CYB5D2: variants seen among roughly 807,000 people sequenced by gnomAD.
The protein encoded by CYB5D2 is cytochrome b5 domain containing 2, also known as neuferricin.
Under a neutral mutation model 22.8 loss-of-function variants are expected in CYB5D2, and 23 were observed. The ratio of observed to expected loss-of-function variants is 1.01; its 90% CI spans 0.73 to 1.43. CYB5D2 has a LOEUF of 1.43. Ranked by LOEUF, CYB5D2 falls within the 40% of genes most tolerant of loss-of-function variation. The pLI is 0.00. For synonymous variants in CYB5D2, 170 were observed against 152.2 expected (o/e 1.12, Z -0.86); for missense variants, 373 against 357.2 (o/e 1.04, Z -0.36).
chr17:4,154,906 A>G (rs747435592), intron 3 of CYB5D2, 46 bp downstream of exon 3: 11 of 1,561,886 alleles, frequency 7.0e-6, no homozygotes, highest in African/African-American at 1.4e-5. Context: ...CCCAAATCCA[A>G]CTCCTAGGCC....
chr17:4,145,764 G>A (rs1360655052), intron 1 of CYB5D2, among the ~76,000 whole-genome samples: 1 of 152,162 alleles, frequency 6.6e-6, no homozygotes, highest in Non-Finnish European at 1.5e-5. Context: ...TGTAATTCAC[G>A]TGATGTAAAG....
Position 4,157,439 on chromosome 17 carries a change from T to TA in CYB5D2, c.*358dup, listed in dbSNP as rs2059124215. ...GTTGATTACAGCTGGGCCAATACAG[T>TA]ACGAGGCAATAACAAATTAGTGTGG... On this transcript the variant is annotated 3_prime_UTR_variant, in exon 4 of 4. Coordinates refer to ENST00000301391, the MANE Select transcript of CYB5D2 (RefSeq NM_144611.4). The surrounding 1 kb of genome is among the most constrained non-coding windows in gnomAD (Gnocchi z 4.4). The TA allele has an allele frequency of 3.3e-6, 1 of 301,816 alleles. No individual in the cohort carries two copies. Among genetic ancestry groups the TA allele is most frequent in the Non-Finnish European group, 6.2e-6 (1 of 160,230 alleles). The allele number at this position is 301,816 out of a possible 1,614,324, so 18.7% of individuals were successfully genotyped here. A position where few individuals can be genotyped will look rare whatever the true frequency, so the allele number is the denominator to read the frequency against.
chr17:4,144,422 AT>A (rs142280910), intron 1 of CYB5D2, among the ~76,000 whole-genome samples: 456 of 151,958 alleles, frequency 3.0e-3, no homozygotes, highest in Non-Finnish European at 5.2e-3. Context: ...GTCCCAAATA[AT>A]CTTTCTTCCC....
Position 4,143,646 on chromosome 17 carries a change from A to C in CYB5D2, c.-110A>C, listed in dbSNP as rs1489601414. On this transcript the variant is annotated 5_prime_UTR_variant, in exon 1 of 4. Transcript: ENST00000301391. ...GGGAGCGCGAGCACTAGCGCGCGAG[A>C]GAGAGAGCGAGAGCGCGCGCGCCGA... The C allele has an allele frequency of 2.3e-5, 33 of 1,458,278 alleles. No individual in the cohort carries two copies. The highest frequency in any genetic ancestry group is 1.6e-4 in the East Asian group (7 of 42,596). 90.3% of individuals were successfully genotyped at this position (1,458,278 alleles called of 1,614,324 possible).
intron 1 of CYB5D2, 80 bp from the exon 2 acceptor site, chr17:4,149,811 A>C (rs896844868): frequency 1.9e-6 from 3 of 1,542,934 alleles, no homozygotes; most frequent in East Asian, 2.3e-5. Context: ...AAAAAAAAGA[A>C]AAAGAAAGAA....
intron 2 of CYB5D2, among the ~76,000 whole-genome samples, chr17:4,152,695 C>T (rs1342077890): frequency 4.6e-5 from 7 of 152,248 alleles, no homozygotes; most frequent in Non-Finnish European, 8.8e-5. Flanking sequence ...TCATAGACTG[C>T]AGGCCTGTGA....
chr17:4,157,075 C>T lies in CYB5D2; in HGVS notation c.788C>T (p.Pro263Leu), dbSNP rs756528797. 12 of 1,612,216 alleles carry T rather than the reference C, an allele frequency of 7.4e-6. No individual in the cohort carries two copies. The highest frequency in any genetic ancestry group is 9.3e-6 in the Non-Finnish European group (11 of 1,180,038). The change falls in exon 4 of 4, where the codon CCA becomes CTA. Residue 263 changes from proline (P) to leucine (L), a missense_variant. Coordinates refer to ENST00000301391, the MANE Select transcript of CYB5D2 (RefSeq NM_144611.4). The surrounding 1 kb of genome is among the most constrained non-coding windows in gnomAD (Gnocchi z 4.4). ...CPPLAITCSFPL is the reference protein window; with the variant it reads ...CPPLAITCSFLL ...CCGCTAGCCATCACATGCTCCTTTC[C>T]ACTCTAAGCCGTAGCCTCTTCTGTT...
intron 1 of CYB5D2, 130 bp from the exon 2 acceptor site, chr17:4,149,761 T>C (rs947209401): frequency 1.8e-6 from 2 of 1,123,288 alleles, no homozygotes; most frequent in South Asian, 1.7e-5. Context: ...ATCATGCCAC[T>C]GCACTCCAGC....
intron 1 of CYB5D2, among the ~76,000 whole-genome samples, chr17:4,144,719 T>C (rs2058963078): frequency 6.6e-6 from 1 of 152,102 alleles, no homozygotes; most frequent in Non-Finnish European, 1.5e-5. Flanking sequence ...GCTGAGGGGG[T>C]TAAAGGATGC....
At chr17:4,156,594 A>G (rs2059114562) in intron 3 of CYB5D2, among the ~76,000 whole-genome samples, 1 of 152,194 alleles carries the variant, frequency 6.6e-6, no homozygotes, top group Non-Finnish European at 1.5e-5. Flanking sequence ...CCTCCTAAGA[A>G]GGGGCAGGGC....
chr17:4,149,471 T>C (rs2059029561), intron 1 of CYB5D2, among the ~76,000 whole-genome samples: 1 of 152,206 alleles, frequency 6.6e-6, no homozygotes, highest in Admixed American at 6.5e-5. Flanking sequence ...CCCATTTCCC[T>C]GGGGATAAGG....
chr17:4,143,705 T>A lies in CYB5D2; in HGVS notation c.-51T>A, dbSNP rs369242670. 1 of 1,562,080 alleles carries A rather than the reference T, an allele frequency of 6.4e-7. No individual in the cohort carries two copies. The highest frequency in any genetic ancestry group is 8.7e-7 in the Non-Finnish European group (1 of 1,151,810). The stretch of plus-strand genomic sequence containing the variant: ...CGCTCGGCGTCTCGGCCATCTTAGC[T>A]GTAGATAGAGGCGGCAACCTCGGAA... On this transcript the variant is annotated 5_prime_UTR_variant, in exon 1 of 4. Transcript: ENST00000301391.
Position 4,143,694 on chromosome 17 carries a change from G to A in CYB5D2, c.-62G>A, listed in dbSNP as rs889173947. 2.6e-6 allele frequency: 4 copies of A among 1,529,228 alleles called. No homozygotes were observed. The African/African-American group carries it at 5.6e-5, about 21-fold the overall frequency. The allele number at this position is 1,529,228 out of a possible 1,614,324, so 94.7% of individuals were successfully genotyped here. A position where few individuals can be genotyped will look rare whatever the true frequency, so the allele number is the denominator to read the frequency against. ...CGATGACGTCACGCTCGGCGTCTCG[G>A]CCATCTTAGCTGTAGATAGAGGCGG... On this transcript the variant is annotated 5_prime_UTR_variant, in exon 1 of 4. Coordinates refer to ENST00000301391, the MANE Select transcript of CYB5D2 (RefSeq NM_144611.4).
intron 2 of CYB5D2, among the ~76,000 whole-genome samples, chr17:4,152,455 A>C (rs982519073): frequency 6.6e-6 from 1 of 152,246 alleles, no homozygotes; most frequent in African/African-American, 2.4e-5. Context: ...CCAGGCCTCA[A>C]GGGAAAACAA....
In CYB5D2 at chr17:4,157,635, C is replaced by G. The variant is rs1409392445; in HGVS notation, c.*553C>G. 6.4e-6 allele frequency: 1 copy of G among 156,982 alleles called. No individual in the cohort carries two copies. The highest frequency in any genetic ancestry group is 1.9e-4 in the East Asian group (1 of 5,256). 9.7% of individuals were successfully genotyped at this position (156,982 alleles called of 1,614,324 possible). A position where few individuals can be genotyped will look rare whatever the true frequency, so the allele number is the denominator to read the frequency against. On this transcript the variant is annotated 3_prime_UTR_variant, in exon 4 of 4. Coordinates refer to ENST00000301391, the MANE Select transcript of CYB5D2 (RefSeq NM_144611.4). The surrounding 1 kb of genome is among the most constrained non-coding windows in gnomAD (Gnocchi z 4.4). ...CTGCATTTTGAGCAAAAGGTGGCTTCCCAGCTCTAACAAGGTAACTGGTTA... is the reference window on the plus strand; with the variant it reads ...CTGCATTTTGAGCAAAAGGTGGCTTGCCAGCTCTAACAAGGTAACTGGTTA...
At position 4,151,686 on chromosome 17, in the gene CYB5D2, CAAAAAAAAA is replaced by C. The variant is rs370654412; in HGVS notation, c.391+1656_391+1664del. ...TGGGTGGCTGAGTGAGACTCTGTCT[CAAAAAAAAA>C]GAAAAAAAAGAAAAAGAATAAGAAT... is the stretch of plus-strand genomic sequence containing the variant. On this transcript the variant is annotated intron_variant, in intron 2 of 3. Transcript: ENST00000301391. 2.5e-4 allele frequency among the ~76,000 whole-genome samples: 37 copies of C among 146,114 alleles called. 1 individual carries two copies. In the East Asian group the frequency reaches 4.2e-3, roughly 17 times the overall value.
chr17:4,157,238 C>T lies in CYB5D2; in HGVS notation c.*156C>T, dbSNP rs577062772. The T allele has an allele frequency of 3.2e-5, 27 of 845,242 alleles. No homozygotes were observed. Among genetic ancestry groups the T allele is most frequent in the African/African-American group, 1.0e-4 (6 of 58,950 alleles). The allele number at this position is 845,242 out of a possible 1,614,324, so 52.4% of individuals were successfully genotyped here. The stretch of plus-strand genomic sequence containing the variant: ...TGCAAATGTGGCTCATGCCCCTTAC[C>T]GTGGCTCGGCGTTGTGGTGCCTGAG... On this transcript the variant is annotated 3_prime_UTR_variant, in exon 4 of 4. Transcript: ENST00000301391. This position sits in a 1 kb window ranked among gnomAD's most constrained non-coding sequence, Gnocchi z 4.4.
intron 1 of CYB5D2, among the ~76,000 whole-genome samples, chr17:4,148,853 A>G (rs1433843101): frequency 6.6e-6 from 1 of 152,134 alleles, no homozygotes; most frequent in Non-Finnish European, 1.5e-5. Context: ...GCATTCCTGG[A>G]TTGAGCAACT....
At chr17:4,148,314 C>T (rs578191544) in intron 1 of CYB5D2, among the ~76,000 whole-genome samples, 2 of 152,192 alleles carry the variant, frequency 1.3e-5, no homozygotes, top group Admixed American at 6.5e-5. Context: ...GTCAGGAGTT[C>T]GAGACCAGCC....
Sources: allele counts gnomAD v4.1 joint callset (sites outside exome capture counted in the v4.1 genomes callset), GRCh38; gene constraint gnomAD v4.1.1; non-coding constraint Gnocchi (gnomAD v3.1); transcripts MANE v1.5; gene names NCBI Gene and HGNC (gene_info 2026-07-23, HGNC 2026-07-21).